The following GPT2 variants were observed in gnomAD, a reference collection of about 807,000 sequenced individuals.
GPT2 encodes glutamic--pyruvic transaminase 2.
In GPT2, 30 loss-of-function variants were observed where a neutral mutation model predicts 56.9. The ratio of observed to expected loss-of-function variants is 0.53; its 90% CI spans 0.39 to 0.72. GPT2 has a LOEUF of 0.72. Among genes scored for constraint, GPT2 ranks in the 30% least tolerant of loss-of-function variants. The probability of loss-of-function intolerance (pLI) is 0.00; values close to 1 mark genes in which losing one functional copy is unlikely to be tolerated. For synonymous variants in GPT2, 271 were observed against 283.1 expected (o/e 0.96, Z 0.43); for missense variants, 542 against 703.4 (o/e 0.77, Z 2.60).
chr16:46,906,939 C>T lies in GPT2; in HGVS notation c.540C>T (p.Asn180=). 1 of 1,614,246 alleles carries T rather than the reference C, an allele frequency of 6.2e-7. No individual in the cohort carries two copies. Among genetic ancestry groups the T allele is most frequent in the Non-Finnish European group, 8.5e-7 (1 of 1,180,060 alleles). ...RDGGVPADPD[N]IYLTTGASDG... ...GCGGTGTGCCTGCGGACCCCGACAA[C>T]ATCTACCTGACCACGGGAGCTAGTG... The change falls in exon 5 of 12, where the codon AAC becomes AAT. Residue 180 remains asparagine, a synonymous_variant. Transcript: ENST00000340124.
intron 8 of GPT2, among the ~76,000 whole-genome samples, chr16:46,921,881 A>G (rs555135846): frequency 1.0e-3 from 158 of 152,254 alleles, no homozygotes; most frequent in African/African-American, 3.8e-3. Flanking sequence ...AAAATTAGCC[A>G]GGCGTGGTGG....
At chr16:46,897,120 C>T (rs182030612) in intron 2 of GPT2, among the ~76,000 whole-genome samples, 6 of 152,300 alleles carry the variant, frequency 3.9e-5, no homozygotes, top group South Asian at 2.1e-4. Context: ...CAATGGCTCA[C>T]GCCTGTAATC....
intron 2 of GPT2, among the ~76,000 whole-genome samples, chr16:46,886,598 T>C (rs1217974753): frequency 1.3e-5 from 2 of 151,962 alleles, no homozygotes; most frequent in South Asian, 2.1e-4. Context: ...CCGCAGGAAG[T>C]TGGGGAGTTC....
At position 46,928,943 on chromosome 16, in the gene GPT2, G is replaced by A. The variant is rs115232259; in HGVS notation, c.1518G>A (p.Thr506=). 38 of 1,614,106 alleles carry A rather than the reference G, an allele frequency of 2.4e-5. No individual in the cohort carries two copies. The highest frequency in any genetic ancestry group is 2.7e-5 in the African/African-American group (2 of 75,024). Residue 506 remains threonine (T), a synonymous_variant, in exon 12 of 12, where the codon ACG becomes ACA. Coordinates refer to ENST00000340124, the MANE Select transcript of GPT2 (RefSeq NM_133443.4). ...TCCCTCCAGTGGAGAAGCTGAAAAC[G>A]GTGCTGCAGAAGGTGAAAGACTTCC... The part of the protein sequence containing the change: ...TILPPVEKLK[T]VLQKVKDFHI...
rs373112548 is a variant in GPT2, at chr16:46,928,851, C to T, written c.1482-56C>T. ...CTAGAGGCAGTTTAGCTGCTGGATTCGTTCCTCTCCCATCTTGCAGAGCAG... is the reference window on the plus strand; with the variant it reads ...CTAGAGGCAGTTTAGCTGCTGGATTTGTTCCTCTCCCATCTTGCAGAGCAG... On this transcript the variant is annotated intron_variant, in intron 11 of 11. Transcript: ENST00000340124. The T allele has an allele frequency of 2.0e-4, 261 of 1,329,580 alleles. No individual in the cohort carries two copies. In the African/African-American group the frequency reaches 3.3e-3, roughly 17 times the overall value. The allele number at this position is 1,329,580 out of a possible 1,614,324, so 82.4% of individuals were successfully genotyped here.
In GPT2 at chr16:46,916,719, C is replaced by T. The variant is rs1031534719; in HGVS notation, c.900+12C>T. The stretch of plus-strand genomic sequence containing the variant: ...TCCTGGCTGATGAGGTAAGAATGTC[C>T]CCACTCAGAGGGAGTGGGCACTAGC... On this transcript the variant is annotated intron_variant, in intron 7 of 11. Transcript: ENST00000340124. 3.1e-6 allele frequency: 5 copies of T among 1,594,172 alleles called. No homozygotes were observed. The highest frequency in any genetic ancestry group is 4.3e-6 in the Non-Finnish European group (5 of 1,162,188).
At chr16:46,901,390 A>G (rs1171155527) in intron 4 of GPT2, among the ~76,000 whole-genome samples, 2 of 152,204 alleles carry the variant, frequency 1.3e-5, no homozygotes, top group East Asian at 3.9e-4. Flanking sequence ...CAGGCTCCAC[A>G]GAGTGGACCT....
chr16:46,899,044 T>C (rs896873751), intron 3 of GPT2, among the ~76,000 whole-genome samples: 26 of 136,844 alleles, frequency 1.9e-4, no homozygotes, highest in Non-Finnish European at 3.4e-4. Flanking sequence ...TATTTTTTTT[T>C]TTTTAGAGAC....
chr16:46,884,996 T>C (rs59708508), intron 2 of GPT2, 38 bp downstream of exon 2: 192,214 of 1,428,398 alleles, frequency 0.13, 15,053 homozygotes, highest in African/African-American at 0.33. Context: ...CTGGGGCCGC[T>C]GAGCAAGGGA....
intron 10 of GPT2, among the ~76,000 whole-genome samples, chr16:46,926,171 G>A (rs1412531588): frequency 2.0e-5 from 3 of 147,610 alleles, no homozygotes; most frequent in South Asian, 2.1e-4. Flanking sequence ...GGTGTAGTCC[G>A]AGCGCGGTGG....
At position 46,897,672 on chromosome 16, in the gene GPT2, G is replaced by A. The variant is rs867366927; in HGVS notation, c.268G>A (p.Val90Ile). The A allele has an allele frequency of 6.2e-7, 1 of 1,614,082 alleles. No individual in the cohort carries two copies. Among genetic ancestry groups the A allele is most frequent in the African/African-American group, 1.3e-5 (1 of 75,054 alleles). ...QRGIKKPFTE[V>I]IRANIGDAQA... ...GGGTATCAAAAAGCCATTCACAGAG[G>A]TCATCCGAGCCAACATCGGGGACGC... The change falls in exon 3 of 12, where the codon GTC (valine) becomes ATC (isoleucine). Residue 90 changes from valine (V) to isoleucine (I), a missense_variant. By Grantham distance (29) the Val-to-Ile change is conservative. Coordinates refer to ENST00000340124, the MANE Select transcript of GPT2 (RefSeq NM_133443.4).
At chr16:46,917,320 T>C (rs1384555354) in intron 7 of GPT2, among the ~76,000 whole-genome samples, 2 of 152,134 alleles carry the variant, frequency 1.3e-5, no homozygotes, top group African/African-American at 2.4e-5. Flanking sequence ...TGAGGGCCAA[T>C]TGAGGGGGCT....
At chr16:46,910,991 C>T (rs1436653793) in intron 6 of GPT2, among the ~76,000 whole-genome samples, 2 of 152,098 alleles carry the variant, frequency 1.3e-5, no homozygotes, top group Admixed American at 6.6e-5. Flanking sequence ...ACAAACTTAC[C>T]GTTAATCATA....
chr16:46,884,993 C>G (rs993999236), intron 2 of GPT2, 35 bp downstream of exon 2: 34 of 1,439,234 alleles, frequency 2.4e-5, no homozygotes, highest in Non-Finnish European at 2.8e-5. Context: ...AGGCTGGGGC[C>G]GCTGAGCAAG....
chr16:46,893,612 G>A (rs34454412), intron 2 of GPT2, among the ~76,000 whole-genome samples: 1,690 of 152,272 alleles, frequency 0.011, 16 homozygotes, highest in Non-Finnish European at 0.017. Flanking sequence ...GTGGGTTGGG[G>A]AGGACAGTTA....
At chr16:46,913,811 G>A (rs555760317) in intron 6 of GPT2, among the ~76,000 whole-genome samples, 2 of 152,246 alleles carry the variant, frequency 1.3e-5, no homozygotes, top group South Asian at 2.1e-4. Flanking sequence ...AGAGGCTCAT[G>A]CCTGTAATCC....
At chr16:46,909,357 C>T (rs1348696119) in intron 5 of GPT2, among the ~76,000 whole-genome samples, 1 of 151,892 alleles carries the variant, frequency 6.6e-6, no homozygotes, top group Non-Finnish European at 1.5e-5. Flanking sequence ...CACTGTGTTG[C>T]CCAGGCTGGT....
chr16:46,886,351 C>T (rs1252228642), intron 2 of GPT2, among the ~76,000 whole-genome samples: 1 of 152,216 alleles, frequency 6.6e-6, no homozygotes, highest in African/African-American at 2.4e-5. Flanking sequence ...GGTTCCTGAG[C>T]TGGCAGGGGT....
rs752108577 is a variant in GPT2, at chr16:46,900,641, G to A, written c.334-41G>A. ...CTGTGCTCCTCCTGGAGCTCTAGGA[G>A]TGGGGGTGCTGGGAGCTCAGCCTGT... On this transcript the variant is annotated intron_variant, in intron 3 of 11. Transcript: ENST00000340124. The A allele has an allele frequency of 2.7e-6, 4 of 1,497,460 alleles. No individual in the cohort carries two copies. The South Asian group carries it at 4.5e-5, about 17-fold the overall frequency. 92.8% of individuals were successfully genotyped at this position (1,497,460 alleles called of 1,614,324 possible). A position where few individuals can be genotyped will look rare whatever the true frequency, so the allele number is the denominator to read the frequency against.
Sources: gnomAD v4.1 joint callset for allele counts (sites outside exome capture counted in the v4.1 genomes callset) on GRCh38, gnomAD v4.1.1 for gene constraint, MANE v1.5 for transcripts, NCBI Gene and HGNC (gene_info 2026-07-23, HGNC 2026-07-21) for gene names.